The following CNTNAP2 variants were observed in gnomAD, a reference collection of about 807,000 sequenced individuals.
CNTNAP2 encodes contactin associated protein 2.
Under a neutral mutation model 155.2 loss-of-function variants are expected in CNTNAP2, and 98 were observed. The ratio of observed to expected loss-of-function variants is 0.63; its 90% CI spans 0.54 to 0.75. The LOEUF (loss-of-function observed/expected upper bound fraction) is 0.75, where lower values mean the gene tolerates loss of function less well. Ranked by LOEUF, CNTNAP2 falls within the 30% of genes least tolerant of loss-of-function variation. The probability of loss-of-function intolerance (pLI) is 0.00; values close to 1 mark genes in which losing one functional copy is unlikely to be tolerated. For missense variants in CNTNAP2, 1,727 were observed against 1,688.1 expected (o/e 1.02, Z -0.40); for synonymous variants, 651 against 631.2 (o/e 1.03, Z -0.47).
intron 13 of CNTNAP2, among the ~76,000 whole-genome samples, chr7:147,897,740 T>C (rs1325927839): frequency 3.3e-5 from 5 of 152,162 alleles, no homozygotes; most frequent in South Asian, 4.1e-4. Context: ...CTTTCGGTGG[T>C]TGAGATGCTG....
intron 16 of CNTNAP2, among the ~76,000 whole-genome samples, chr7:148,119,186 C>T (rs371173774): frequency 1.3e-5 from 2 of 152,220 alleles, no homozygotes; most frequent in East Asian, 3.9e-4. Flanking sequence ...GCTATGTCCC[C>T]TGTCCCTTTA....
At chr7:147,225,420 C>T (rs1803498036) in intron 8 of CNTNAP2, among the ~76,000 whole-genome samples, 1 of 152,218 alleles carries the variant, frequency 6.6e-6, no homozygotes, top group Non-Finnish European at 1.5e-5. Context: ...CTGAAAGTGA[C>T]TTTTGTCCCT....
At chr7:146,180,143 A>G (rs1368812835) in intron 1 of CNTNAP2, among the ~76,000 whole-genome samples, 1 of 152,190 alleles carries the variant, frequency 6.6e-6, no homozygotes, top group Admixed American at 6.6e-5. Flanking sequence ...AACTCTGTGT[A>G]GCTTTTTTCA....
intron 4 of CNTNAP2, among the ~76,000 whole-genome samples, chr7:147,095,250 G>A (rs973950931): frequency 2.7e-5 from 4 of 146,726 alleles, no homozygotes; most frequent in South Asian, 2.2e-4. Flanking sequence ...TGGTCAGGCT[G>A]GTCTCGAACT....
At chr7:147,346,483 T>G (rs1795865765) in intron 9 of CNTNAP2, among the ~76,000 whole-genome samples, 1 of 152,220 alleles carries the variant, frequency 6.6e-6, no homozygotes, top group African/African-American at 2.4e-5. Flanking sequence ...GCATTAAAGT[T>G]TATTCATCCC....
intron 10 of CNTNAP2, among the ~76,000 whole-genome samples, chr7:147,442,335 T>C (rs1177904982): frequency 6.6e-6 from 1 of 152,286 alleles, no homozygotes; most frequent in South Asian, 2.1e-4. Context: ...AAATGTTCCA[T>C]TGAGGTCCAA....
chr7:146,874,245 A>G (rs1450150580), intron 3 of CNTNAP2, among the ~76,000 whole-genome samples: 3 of 152,202 alleles, frequency 2.0e-5, no homozygotes, highest in Non-Finnish European at 2.9e-5. Context: ...TAGGATAGAA[A>G]ACAATATGGT....
chr7:146,662,903 T>C (rs1307370366), intron 1 of CNTNAP2, among the ~76,000 whole-genome samples: 1 of 152,170 alleles, frequency 6.6e-6, no homozygotes, highest in Non-Finnish European at 1.5e-5. Flanking sequence ...ATCCAGACAC[T>C]CTAGTCTATT....
intron 8 of CNTNAP2, among the ~76,000 whole-genome samples, chr7:147,171,983 A>G (rs1010063070): frequency 2.6e-5 from 4 of 152,198 alleles, no homozygotes; most frequent in Non-Finnish European, 5.9e-5. Flanking sequence ...CAGAATTTTC[A>G]AGATACTATG....
chr7:148,139,208 C>A lies in CNTNAP2; in HGVS notation c.2555-8283C>A, dbSNP rs142567457. Among the ~76,000 whole-genome samples, 55 of 152,284 alleles carry A rather than the reference C, an allele frequency of 3.6e-4. No individual in the cohort carries two copies. In the East Asian group the frequency reaches 9.6e-3, roughly 27 times the overall value. On this transcript the variant is annotated intron_variant, in intron 16 of 23. Coordinates refer to ENST00000361727, the MANE Select transcript of CNTNAP2 (RefSeq NM_014141.6). Reference sequence around the variant, plus strand: ...TCCTTGAAGAATTTCCAGAAGACTTCAAATAAATTTTTCTTGCCAATGTTC... The same window carrying A: ...TCCTTGAAGAATTTCCAGAAGACTTAAAATAAATTTTTCTTGCCAATGTTC...
At chr7:146,375,938 G>A (rs1448640773) in intron 1 of CNTNAP2, among the ~76,000 whole-genome samples, 3 of 151,998 alleles carry the variant, frequency 2.0e-5, no homozygotes, top group Non-Finnish European at 4.4e-5. Flanking sequence ...CCTTCTCTTT[G>A]CCTTCACCCT....
At chr7:147,233,577 A>G (rs1161899764) in intron 8 of CNTNAP2, among the ~76,000 whole-genome samples, 1 of 117,650 alleles carries the variant, frequency 8.5e-6, no homozygotes, top group African/African-American at 3.3e-5. Flanking sequence ...ATTTTGACCA[A>G]AAAAGCAAAA....
intron 3 of CNTNAP2, among the ~76,000 whole-genome samples, chr7:147,042,894 C>T (rs867442386): frequency 3.3e-5 from 5 of 151,782 alleles, no homozygotes; most frequent in South Asian, 4.2e-4. Flanking sequence ...TTAAATAAAT[C>T]GAAAAGAGAA....
At chr7:146,489,876 T>G (rs1584948724) in intron 1 of CNTNAP2, among the ~76,000 whole-genome samples, 1 of 152,154 alleles carries the variant, frequency 6.6e-6, no homozygotes, top group African/African-American at 2.4e-5. Flanking sequence ...TAGGGGAGTG[T>G]GCTGACTGGT....
At chr7:147,708,033 A>G (rs1796343204) in intron 13 of CNTNAP2, among the ~76,000 whole-genome samples, 2 of 152,116 alleles carry the variant, frequency 1.3e-5, no homozygotes, top group African/African-American at 2.4e-5. Flanking sequence ...CAGACCTCCC[A>G]GTGGTATGAG....
At chr7:147,068,647 G>A (rs1219713915) in intron 4 of CNTNAP2, among the ~76,000 whole-genome samples, 2 of 152,124 alleles carry the variant, frequency 1.3e-5, no homozygotes, top group Non-Finnish European at 1.5e-5. Context: ...ATGAGCCACT[G>A]CGCTTGGCCA....
At position 147,011,993 on chromosome 7, in the gene CNTNAP2, G is replaced by A. The variant is rs1030028475; in HGVS notation, c.403-31914G>A. ...TCTGCATGCCTGTCCATTCTTCATTGAACCTAAGCATAAAAATGGATACTT... is the reference window on the plus strand; with the variant it reads ...TCTGCATGCCTGTCCATTCTTCATTAAACCTAAGCATAAAAATGGATACTT... On this transcript the variant is annotated intron_variant, in intron 3 of 23. Coordinates refer to ENST00000361727, the MANE Select transcript of CNTNAP2 (RefSeq NM_014141.6). Among the ~76,000 whole-genome samples, 9 of 152,266 alleles carry A rather than the reference G, an allele frequency of 5.9e-5. No homozygotes were observed. In the South Asian group the frequency reaches 1.9e-3, roughly 32 times the overall value.
chr7:147,133,773 C>A (rs927366676), intron 8 of CNTNAP2, among the ~76,000 whole-genome samples: 20 of 152,112 alleles, frequency 1.3e-4, no homozygotes, highest in African/African-American at 4.8e-4. Context: ...AAGGAAGCCA[C>A]AAGAAATGTT....
chr7:147,514,160 C>T lies in CNTNAP2; in HGVS notation c.1777+28119C>T, dbSNP rs561095592. ...TGACAGTAGGCTTTGCTACTATATC[C>T]CCATAATCACAGTCATAATGTATTA... On this transcript the variant is annotated intron_variant, in intron 11 of 23. Transcript: ENST00000361727. Among the ~76,000 whole-genome samples, 103 of 152,080 alleles carry T rather than the reference C, an allele frequency of 6.8e-4. 1 individual carries two copies. The highest frequency in any genetic ancestry group is 2.4e-3 in the African/African-American group (101 of 41,490).
Sources: allele counts gnomAD v4.1 joint callset (sites outside exome capture counted in the v4.1 genomes callset), GRCh38; gene constraint gnomAD v4.1.1; transcripts MANE v1.5; gene names NCBI Gene and HGNC (gene_info 2026-07-23, HGNC 2026-07-21).